The following BNC1 variants were observed in gnomAD, a reference collection of about 807,000 sequenced individuals.
BNC1 encodes zinc finger protein basonuclin-1.
BNC1 carries 8 observed loss-of-function variants against 66.5 expected under a neutral mutation model. The ratio of observed to expected loss-of-function variants is 0.12; its 90% CI spans 0.07 to 0.22. The LOEUF is 0.22. Ranked by LOEUF, BNC1 falls within the 10% of genes least tolerant of loss-of-function variation. The pLI is 1.00. For synonymous variants in BNC1, 454 were observed against 452.6 expected, an observed-to-expected ratio of 1.00 and a Z score of -0.04; for missense variants, 1,069 against 1,241.3, an observed-to-expected ratio of 0.86 and a Z score of 2.09.
rs1349031168 is a variant in BNC1, at chr15:83,264,380, T to A, written c.871A>T (p.Thr291Ser). The A allele has an allele frequency of 6.2e-7, 1 of 1,614,146 alleles. No homozygotes were observed. The change falls in exon 4 of 5, where the codon ACT (threonine) becomes TCT (serine). Residue 291 changes from threonine (T) to serine (S), a missense_variant. Physicochemically the swap from Thr to Ser is moderately conservative, Grantham distance 58. Transcript: ENST00000345382. Reference protein sequence around the residue: ...HGPFPDSSFLTSSSTPFQVEK... With the variant: ...HGPFPDSSFLSSSSTPFQVEK... ...ACCTGAAATGGTGTGGAACTGGAAG[T>A]TAAGAAGCTGCTGTCAGGGAAGGGC...
chr15:83,283,911 G>T (rs376385071), intron 1 of BNC1, among the ~76,000 whole-genome samples: 2 of 152,018 alleles, frequency 1.3e-5, no homozygotes, highest in Non-Finnish European at 2.9e-5. Context: ...TTTGTTTTTT[G>T]TTGTTGTTGT....
chr15:83,281,727 T>A (rs1402255317), intron 1 of BNC1, among the ~76,000 whole-genome samples: 1 of 152,240 alleles, frequency 6.6e-6, no homozygotes, highest in Non-Finnish European at 1.5e-5. Flanking sequence ...ATTGAACTTT[T>A]AAAATGTTTC....
chr15:83,277,470 C>T (rs933345204), intron 1 of BNC1, among the ~76,000 whole-genome samples: 7 of 152,010 alleles, frequency 4.6e-5, no homozygotes, highest in African/African-American at 9.7e-5. Flanking sequence ...CCACCACACC[C>T]GGCTAACTTT....
chr15:83,277,327 T>C (rs955750859), intron 1 of BNC1, among the ~76,000 whole-genome samples: 1 of 152,312 alleles, frequency 6.6e-6, no homozygotes, highest in East Asian at 1.9e-4. Flanking sequence ...TTTTTCTTTT[T>C]TGGAGACAGT....
rs539586841 is a variant in BNC1, at chr15:83,283,449, G to T, written c.99+1081C>A. 433 of 1,224,338 alleles carry T rather than the reference G, an allele frequency of 3.5e-4. No individual in the cohort carries two copies. The African/African-American group carries it at 6.3e-3, about 18-fold the overall frequency. The allele number at this position is 1,224,338 out of a possible 1,614,324, so 75.8% of individuals were successfully genotyped here. On this transcript the variant is annotated intron_variant, in intron 1 of 4. Coordinates refer to ENST00000345382, the MANE Select transcript of BNC1 (RefSeq NM_001717.4). ...GCCGCCGCCGCCCGGCTCCCAGCACGGAACCGACGGGGCGCTCCCGAGACG... is the reference window on the plus strand; with the variant it reads ...GCCGCCGCCGCCCGGCTCCCAGCACTGAACCGACGGGGCGCTCCCGAGACG...
rs142187743 is a variant in BNC1, at chr15:83,263,900, T to C, written c.1351A>G (p.Arg451Gly). 31 of 1,614,210 alleles carry C rather than the reference T, an allele frequency of 1.9e-5. No individual in the cohort carries two copies. In the African/African-American group the frequency reaches 3.9e-4, roughly 20 times the overall value. Residue 451 changes from arginine to glycine, a missense_variant, in exon 4 of 5, where the codon AGG (arginine) becomes GGG (glycine). By Grantham distance (125) the Arg-to-Gly change is moderately radical. Transcript: ENST00000345382. ...GAACCAGGGTAGCTGGGAGGAGGCCTACAGTCTGGGGACGTCACTGTGAAA... is the reference window on the plus strand; with the variant it reads ...GAACCAGGGTAGCTGGGAGGAGGCCCACAGTCTGGGGACGTCACTGTGAAA... Reference protein sequence around the residue: ...PGFTVTSPDCRPPPSYPGSGE... With the variant: ...PGFTVTSPDCGPPPSYPGSGE...
intron 1 of BNC1, among the ~76,000 whole-genome samples, chr15:83,282,164 C>T (rs2038385958): frequency 6.6e-6 from 1 of 152,200 alleles, no homozygotes; most frequent in Non-Finnish European, 1.5e-5. Flanking sequence ...ATGCAGATGC[C>T]TGAACATAAT....
At chr15:83,275,966 T>C (rs1424205660) in intron 1 of BNC1, among the ~76,000 whole-genome samples, 1 of 152,112 alleles carries the variant, frequency 6.6e-6, no homozygotes, top group African/African-American at 2.4e-5. Context: ...CCCGAGCCCC[T>C]TCCCGTTCAC....
intron 1 of BNC1, among the ~76,000 whole-genome samples, chr15:83,277,373 G>A (rs912799878): frequency 6.6e-6 from 1 of 152,120 alleles, no homozygotes; most frequent in Non-Finnish European, 1.5e-5. Context: ...GCTGTGGTGG[G>A]ATCTTGGCTC....
At chr15:83,275,087 T>A (rs566477176) in intron 1 of BNC1, among the ~76,000 whole-genome samples, 15 of 152,260 alleles carry the variant, frequency 9.9e-5, no homozygotes, top group Admixed American at 9.8e-4. Flanking sequence ...ATTCTACAGA[T>A]TAAAATGTTG....
chr15:83,283,497 C>A, intron 1 of BNC1: 1 of 985,336 alleles, frequency 1.0e-6, no homozygotes, highest in Non-Finnish European at 1.2e-6. Context: ...GCTCGCAGGT[C>A]CCAAGGCCAG....
intron 1 of BNC1, chr15:83,283,546 C>T (rs1196585658): frequency 1.0e-6 from 1 of 980,982 alleles, no homozygotes; most frequent in South Asian, 4.7e-5. Flanking sequence ...AGTCGGGGGC[C>T]GGGGGCTTCC....
At chr15:83,266,299 C>CAT (rs1491018416) in intron 3 of BNC1, among the ~76,000 whole-genome samples, 2 of 151,516 alleles carry the variant, frequency 1.3e-5, no homozygotes, top group Admixed American at 6.6e-5. Context: ...CACACACACA[C>CAT]ATATAGAGAG....
rs1178962910 is a variant in BNC1, at chr15:83,257,153, T to G, written c.*289A>C. On this transcript the variant is annotated 3_prime_UTR_variant, in exon 5 of 5. Transcript: ENST00000345382. ...TGGTGTCGATCTGCAGACCTGGATC[T>G]GTCCCAGGGAACATGTAAACAAATC... The G allele has an allele frequency of 2.3e-6, 1 of 433,854 alleles. No homozygotes were observed. The highest frequency in any genetic ancestry group is 4.1e-6 in the Non-Finnish European group (1 of 243,052). 26.9% of individuals were successfully genotyped at this position (433,854 alleles called of 1,614,324 possible).
At chr15:83,260,604 T>C (rs1055627458) in intron 4 of BNC1, among the ~76,000 whole-genome samples, 2 of 152,196 alleles carry the variant, frequency 1.3e-5, no homozygotes, top group African/African-American at 2.4e-5. Flanking sequence ...TCAACTGTAA[T>C]TGCCTGTTTC....
At chr15:83,282,199 C>A (rs2038386352) in intron 1 of BNC1, among the ~76,000 whole-genome samples, 1 of 152,212 alleles carries the variant, frequency 6.6e-6, no homozygotes, top group Admixed American at 6.5e-5. Flanking sequence ...GTGTGAGCAT[C>A]ATGTGTGCTA....
intron 1 of BNC1, chr15:83,283,396 T>C (rs912625463): frequency 8.1e-7 from 1 of 1,233,928 alleles, no homozygotes; most frequent in South Asian, 2.2e-5. Flanking sequence ...AGCGGCCTCC[T>C]CCTTCTCCGC....
chr15:83,275,219 G>A (rs2038307291), intron 1 of BNC1, among the ~76,000 whole-genome samples: 1 of 152,190 alleles, frequency 6.6e-6, no homozygotes, highest in Admixed American at 6.5e-5. Flanking sequence ...CTAAGAAGAG[G>A]CCAGGCGCAG....
intron 1 of BNC1, among the ~76,000 whole-genome samples, chr15:83,272,883 G>C (rs927268246): frequency 1.8e-4 from 27 of 152,226 alleles, no homozygotes; most frequent in African/African-American, 6.3e-4. Flanking sequence ...TACGACATCT[G>C]ATCAACATCC....
Sources: allele counts gnomAD v4.1 joint callset (sites outside exome capture counted in the v4.1 genomes callset), GRCh38; gene constraint gnomAD v4.1.1; transcripts MANE v1.5; gene names NCBI Gene and HGNC (gene_info 2026-07-23, HGNC 2026-07-21).